C8orf34: variants seen among roughly 807,000 people sequenced by gnomAD.
The protein encoded by C8orf34 is uncharacterized protein C8orf34.
In C8orf34, 65 loss-of-function variants were observed where a neutral mutation model predicts 68.3. The ratio of observed to expected loss-of-function variants is 0.95; its 90% CI spans 0.78 to 1.17. The LOEUF (loss-of-function observed/expected upper bound fraction) is 1.17, where lower values mean the gene tolerates loss of function less well. C8orf34 is among the 50% of genes most tolerant of loss of function. C8orf34 has a pLI of 0.00. For missense variants in C8orf34, 664 were observed against 655.4 expected (o/e 1.01, Z -0.14); for synonymous variants, 244 against 241.2 (o/e 1.01, Z -0.11).
intron 1 of C8orf34, among the ~76,000 whole-genome samples, chr8:68,424,399 G>A (rs952993749): frequency 6.6e-6 from 1 of 152,050 alleles, no homozygotes; most frequent in African/African-American, 2.4e-5. Context: ...ATATTAACCA[G>A]AATGCCCAGG....
intron 1 of C8orf34, among the ~76,000 whole-genome samples, chr8:68,389,606 T>C (rs1434028506): frequency 6.6e-6 from 1 of 152,152 alleles, no homozygotes; most frequent in African/African-American, 2.4e-5. Context: ...TTTGTAATTA[T>C]CATATTGTAA....
At chr8:68,794,506 T>TATATATATACATA (rs58048066) in intron 12 of C8orf34, among the ~76,000 whole-genome samples, 1 of 59,046 alleles carries the variant, frequency 1.7e-5, no homozygotes, top group Non-Finnish European at 3.0e-5. Context: ...TATATATATA[T>TATATATATACATA]TTTTTTTTTT....
chr8:68,403,015 TG>T (rs1563409155), intron 1 of C8orf34, among the ~76,000 whole-genome samples: 1 of 152,188 alleles, frequency 6.6e-6, no homozygotes, highest in Non-Finnish European at 1.5e-5. Flanking sequence ...AACTCCTTGT[TG>T]ATGTTTCCTG....
At chr8:68,370,476 A>G (rs1420822187) in intron 1 of C8orf34, among the ~76,000 whole-genome samples, 5 of 152,148 alleles carry the variant, frequency 3.3e-5, no homozygotes, top group Admixed American at 6.5e-5. Flanking sequence ...GCTAGTATGG[A>G]GCCTATCAAG....
rs1487295980 is a variant in C8orf34 at position 68,614,962 on chromosome 8, C to A, written c.1106-25414C>A. Among the ~76,000 whole-genome samples the A allele has an allele frequency of 3.9e-5, 6 of 152,286 alleles. No homozygotes were observed. The South Asian group carries it at 8.3e-4, about 21-fold the overall frequency. On this transcript the variant is annotated intron_variant, in intron 7 of 13. Coordinates refer to ENST00000518698, the MANE Select transcript of C8orf34 (RefSeq NM_052958.4). ...CATTTCTTTGTATCCTCTTTTATTT[C>A]ATTGAGCAGTGGTTTGCAGTTCTCC...
intron 1 of C8orf34, among the ~76,000 whole-genome samples, chr8:68,391,878 G>C (rs1418765535): frequency 6.6e-6 from 1 of 152,196 alleles, no homozygotes; most frequent in African/African-American, 2.4e-5. Flanking sequence ...ATCAGCCAAA[G>C]AAATCACATG....
intron 7 of C8orf34, among the ~76,000 whole-genome samples, chr8:68,582,635 T>C (rs1817098397): frequency 1.3e-5 from 2 of 152,112 alleles, no homozygotes; most frequent in Admixed American, 6.6e-5. Context: ...GCCCTTCCAA[T>C]GTCCTTTAGT....
intron 10 of C8orf34, among the ~76,000 whole-genome samples, chr8:68,756,360 C>T (rs750700478): frequency 3.9e-5 from 6 of 152,180 alleles, no homozygotes; most frequent in Non-Finnish European, 8.8e-5. Context: ...AAGTGTAACT[C>T]TACTGAACTT....
chr8:68,524,217 T>G (rs112273560), intron 6 of C8orf34, among the ~76,000 whole-genome samples: 23 of 152,312 alleles, frequency 1.5e-4, no homozygotes, highest in African/African-American at 5.5e-4. Flanking sequence ...AGTTTCACCA[T>G]TAGATTAGAG....
chr8:68,579,580 A>G (rs1479575655), intron 7 of C8orf34, among the ~76,000 whole-genome samples: 1 of 152,072 alleles, frequency 6.6e-6, no homozygotes, highest in East Asian at 1.9e-4. Context: ...TAAACTTTGT[A>G]TTTCTTTTTA....
intron 7 of C8orf34, among the ~76,000 whole-genome samples, chr8:68,590,114 A>G (rs1014817891): frequency 2.7e-5 from 4 of 149,512 alleles, no homozygotes; most frequent in African/African-American, 9.9e-5. Flanking sequence ...GAAAAAGAAA[A>G]GAGAAAGGAA....
chr8:68,448,797 T>C (rs1446531750), intron 3 of C8orf34, among the ~76,000 whole-genome samples: 1 of 151,886 alleles, frequency 6.6e-6, no homozygotes, highest in African/African-American at 2.4e-5. Context: ...AGAAACATAC[T>C]TAAAACATGC....
chr8:68,640,123 T>A (rs1053412469), intron 7 of C8orf34, among the ~76,000 whole-genome samples: 3 of 152,182 alleles, frequency 2.0e-5, no homozygotes, highest in African/African-American at 7.2e-5. Context: ...TCTGTGGTCA[T>A]AAGTGCTCTG....
intron 5 of C8orf34, 29 bp downstream of exon 5, chr8:68,488,080 GA>G: frequency 6.6e-7 from 1 of 1,508,588 alleles, no homozygotes; most frequent in Non-Finnish European, 9.0e-7. Flanking sequence ...CTGGTGAAAA[GA>G]AAATGTAGAA....
intron 7 of C8orf34, among the ~76,000 whole-genome samples, chr8:68,596,592 G>A (rs1410593358): frequency 1.3e-5 from 2 of 152,034 alleles, no homozygotes; most frequent in Non-Finnish European, 2.9e-5. Context: ...TTTTTCTTAG[G>A]CAGGTTACTC....
chr8:68,524,455 C>T (rs909867842), intron 6 of C8orf34, among the ~76,000 whole-genome samples: 3 of 152,192 alleles, frequency 2.0e-5, no homozygotes, highest in African/African-American at 7.2e-5. Flanking sequence ...AACTAGCAGA[C>T]TAAGACAAGA....
At chr8:68,409,379 A>T (rs1809346309) in intron 1 of C8orf34, among the ~76,000 whole-genome samples, 2 of 152,156 alleles carry the variant, frequency 1.3e-5, no homozygotes, top group Admixed American at 1.3e-4. Context: ...GAAGACAGTG[A>T]TATTGATGAT....
chr8:68,514,497 T>A (rs1239471554), intron 5 of C8orf34, among the ~76,000 whole-genome samples: 2 of 152,210 alleles, frequency 1.3e-5, no homozygotes, highest in Non-Finnish European at 2.9e-5. Flanking sequence ...AGTCTGGACT[T>A]GGATTTCCCT....
chr8:68,751,598 G>T (rs1822711285), intron 10 of C8orf34, among the ~76,000 whole-genome samples: 1 of 152,026 alleles, frequency 6.6e-6, no homozygotes. Flanking sequence ...GGGATAAGAG[G>T]CTTAAATTAC....
Sources: allele counts gnomAD v4.1 joint callset (sites outside exome capture counted in the v4.1 genomes callset), GRCh38; gene constraint gnomAD v4.1.1; transcripts MANE v1.5; gene names NCBI Gene and HGNC (gene_info 2026-07-23, HGNC 2026-07-21).